RBFOX1: variants seen among roughly 807,000 people sequenced by gnomAD.
The protein encoded by RBFOX1 is RNA binding fox-1 homolog 1, also known as RNA binding protein fox-1 homolog 1.
A neutral mutation model predicts 57.7 loss-of-function variants in RBFOX1; 8 were observed. The observed-to-expected ratio is 0.14, with a 90% CI of 0.08 to 0.25. RBFOX1 has a LOEUF of 0.25. Among genes scored for constraint, RBFOX1 ranks in the 10% least tolerant of loss-of-function variants. RBFOX1 has a pLI of 1.00. For missense variants in RBFOX1, 611 were observed against 548.5 expected (o/e 1.11, Z -1.14); for synonymous variants, 326 against 222.4 (o/e 1.47, Z -4.15).
At chr16:7,545,906 A>G (rs1267805144) in intron 5 of RBFOX1, among the ~76,000 whole-genome samples, 1 of 151,832 alleles carries the variant, frequency 6.6e-6, no homozygotes, top group East Asian at 1.9e-4. Flanking sequence ...ACCTGACAGA[A>G]CTGTTTTGAG....
At chr16:5,321,860 T>G (rs999233833) in intron 1 of RBFOX1, among the ~76,000 whole-genome samples, 1 of 152,128 alleles carries the variant, frequency 6.6e-6, no homozygotes, top group Non-Finnish European at 1.5e-5. Flanking sequence ...TCATCCAAGG[T>G]GACCTCTGTA....
chr16:5,571,644 G>A (rs1035021250), intron 2 of RBFOX1, among the ~76,000 whole-genome samples: 2 of 152,198 alleles, frequency 1.3e-5, no homozygotes, highest in African/African-American at 2.4e-5. Flanking sequence ...GTTATCTACT[G>A]GAACATCTGG....
intron 4 of RBFOX1, among the ~76,000 whole-genome samples, chr16:7,350,102 A>G (rs992479435): frequency 6.6e-6 from 1 of 152,180 alleles, no homozygotes; most frequent in African/African-American, 2.4e-5. Context: ...AGCCGAGATC[A>G]GGCCACTGTA....
At position 5,950,539 on chromosome 16, in the gene RBFOX1, C is replaced by G. The variant is rs139119120; in HGVS notation, c.351+83204C>G. Among the ~76,000 whole-genome samples the G allele has an allele frequency of 3.9e-5, 6 of 152,314 alleles. No individual in the cohort carries two copies. In the East Asian group the frequency reaches 1.2e-3, roughly 29 times the overall value. Reference sequence around the variant, plus strand: ...CCCCATTCTTGAGTATCACTACGGGCTCATAGATCCTTCTTAAGTTATTTA... The same window carrying G: ...CCCCATTCTTGAGTATCACTACGGGGTCATAGATCCTTCTTAAGTTATTTA... On this transcript the variant is annotated intron_variant, in intron 4 of 19. Coordinates refer to the RBFOX1 transcript ENST00000641259.
intron 2 of RBFOX1, among the ~76,000 whole-genome samples, chr16:6,481,414 A>T (rs922876361): frequency 6.6e-6 from 1 of 152,358 alleles, no homozygotes; most frequent in South Asian, 2.1e-4. Flanking sequence ...AAATGGCCAC[A>T]TGTGCTGAGA....
rs144042835 is a variant in RBFOX1 at position 6,564,968 on chromosome 16, C to A, written c.-63-89635C>A. On this transcript the variant is annotated intron_variant, in intron 2 of 15. Transcript: ENST00000550418. The stretch of plus-strand genomic sequence containing the variant: ...TCAGCTTGGCCAACATGGTGAAACC[C>A]CATTTGTACTAAAAATACAAAAATT... Among the ~76,000 whole-genome samples, 1,055 of 151,962 alleles carry A rather than the reference C, an allele frequency of 6.9e-3. 4 individuals are homozygous for A. The highest frequency in any genetic ancestry group is 0.011 in the Non-Finnish European group (781 of 67,954).
intron 14 of RBFOX1, among the ~76,000 whole-genome samples, chr16:7,696,437 C>T (rs893815687): frequency 1.3e-5 from 2 of 151,182 alleles, no homozygotes; most frequent in Non-Finnish European, 2.9e-5. Context: ...GTCTGTGATT[C>T]ATTAGGAATT....
intron 2 of RBFOX1, among the ~76,000 whole-genome samples, chr16:5,592,436 A>C (rs1344676840): frequency 6.8e-6 from 1 of 147,310 alleles, no homozygotes; most frequent in Non-Finnish European, 1.5e-5. Context: ...TTTTTTTCTG[A>C]GATGGAGTCT....
intron 3 of RBFOX1, among the ~76,000 whole-genome samples, chr16:6,916,586 C>T (rs762003672): frequency 1.3e-5 from 2 of 151,948 alleles, no homozygotes; most frequent in Non-Finnish European, 2.9e-5. Flanking sequence ...GTGACCTACA[C>T]ACTTGTAAGG....
At chr16:6,119,189 G>A (rs1329807741) in intron 1 of RBFOX1, among the ~76,000 whole-genome samples, 3 of 151,748 alleles carry the variant, frequency 2.0e-5, no homozygotes, top group Non-Finnish European at 2.9e-5. Context: ...AATCATTTTG[G>A]CTCAATGAAT....
At chr16:7,401,630 G>C (rs967498685) in intron 4 of RBFOX1, among the ~76,000 whole-genome samples, 2 of 152,194 alleles carry the variant, frequency 1.3e-5, no homozygotes, top group Non-Finnish European at 2.9e-5. Context: ...GCATTGATTA[G>C]CTTCTTTGAA....
chr16:7,174,168 G>A (rs904131957), intron 4 of RBFOX1, among the ~76,000 whole-genome samples: 1 of 149,724 alleles, frequency 6.7e-6, no homozygotes, highest in Non-Finnish European at 1.5e-5. Flanking sequence ...TTAGCAGAAA[G>A]TTTATCCATG....
intron 2 of RBFOX1, among the ~76,000 whole-genome samples, chr16:6,647,853 G>C (rs1453466935): frequency 1.3e-5 from 2 of 151,976 alleles, no homozygotes; most frequent in African/African-American, 4.8e-5. Context: ...CCTTCTCTTT[G>C]TTTTGAAACA....
At chr16:6,907,540 C>G (rs1043796336) in intron 3 of RBFOX1, among the ~76,000 whole-genome samples, 5 of 151,872 alleles carry the variant, frequency 3.3e-5, no homozygotes, top group Non-Finnish European at 5.9e-5. Context: ...GGTCCTATGC[C>G]TCTCTCTTAG....
At chr16:6,979,202 C>G (rs1003285357) in intron 3 of RBFOX1, among the ~76,000 whole-genome samples, 3 of 152,044 alleles carry the variant, frequency 2.0e-5, no homozygotes, top group African/African-American at 7.2e-5. Context: ...ATTTAAATCC[C>G]CAAGTCTCAG....
At chr16:7,669,282 C>T (rs955621966) in intron 13 of RBFOX1, among the ~76,000 whole-genome samples, 2 of 152,074 alleles carry the variant, frequency 1.3e-5, no homozygotes, top group Admixed American at 1.3e-4. Flanking sequence ...ACCAAGACAT[C>T]TGTTGGTTGA....
At chr16:5,432,855 G>A (rs1314669718) in intron 1 of RBFOX1, among the ~76,000 whole-genome samples, 1 of 151,800 alleles carries the variant, frequency 6.6e-6, no homozygotes, top group Non-Finnish European at 1.5e-5. Flanking sequence ...GCGCAATCTC[G>A]GTTCACTGCA....
At chr16:7,679,590 A>G (rs1268902614) in intron 14 of RBFOX1, among the ~76,000 whole-genome samples, 3 of 152,174 alleles carry the variant, frequency 2.0e-5, no homozygotes, top group African/African-American at 7.2e-5. Context: ...TGATGTCCCC[A>G]GTTGGTAGGA....
At chr16:6,378,089 C>A (rs1381885164) in intron 2 of RBFOX1, among the ~76,000 whole-genome samples, 1 of 152,210 alleles carries the variant, frequency 6.6e-6, no homozygotes, top group African/African-American at 2.4e-5. Flanking sequence ...GGGGCTCCAC[C>A]CTGTGCCCGC....
Sources: allele counts gnomAD v4.1 joint callset (sites outside exome capture counted in the v4.1 genomes callset), GRCh38; gene constraint gnomAD v4.1.1; transcripts MANE v1.5; gene names NCBI Gene and HGNC (gene_info 2026-07-23, HGNC 2026-07-21).